The following PTPRN2 variants were observed in gnomAD, a reference collection of about 807,000 sequenced individuals.
The protein encoded by PTPRN2 is protein tyrosine phosphatase receptor type N2.
In PTPRN2, 74 loss-of-function variants were observed where a neutral mutation model predicts 118.8. The observed-to-expected ratio is 0.62, with a 90% confidence interval of 0.52 to 0.76. The LOEUF is 0.76. Among genes scored for constraint, PTPRN2 ranks in the 30% least tolerant of loss-of-function variants. PTPRN2 has a pLI of 0.00. For missense variants in PTPRN2, 1,481 were observed against 1,394.4 expected (o/e 1.06, Z -0.99); for synonymous variants, 641 against 608.0 (o/e 1.05, Z -0.80).
intron 12 of PTPRN2, 39 bp downstream of exon 12, chr7:157,898,634 G>A: frequency 6.5e-7 from 1 of 1,529,144 alleles, no homozygotes; most frequent in Non-Finnish European, 9.1e-7. Flanking sequence ...AGACAGCACT[G>A]CAGATCGCAG....
chr7:158,370,765 A>G (rs796476070), intron 2 of PTPRN2, among the ~76,000 whole-genome samples: 24 of 152,234 alleles, frequency 1.6e-4, no homozygotes, highest in African/African-American at 5.8e-4. Flanking sequence ...AAAAATTTTT[A>G]AAAATCAATC....
intron 8 of PTPRN2, among the ~76,000 whole-genome samples, chr7:158,135,880 G>T (rs4349931): frequency 6.6e-6 from 1 of 152,058 alleles, no homozygotes; most frequent in Non-Finnish European, 1.5e-5. Context: ...CCAAAACTGG[G>T]TTTCCCAGAA....
chr7:157,549,523 T>C (rs1798491211), intron 21 of PTPRN2, among the ~76,000 whole-genome samples: 1 of 152,196 alleles, frequency 6.6e-6, no homozygotes, highest in South Asian at 2.1e-4. Context: ...TTCCACATTT[T>C]GGGACTGGGT....
At chr7:158,217,705 G>T (rs1422951638) in intron 3 of PTPRN2, among the ~76,000 whole-genome samples, 4 of 152,160 alleles carry the variant, frequency 2.6e-5, no homozygotes, top group Non-Finnish European at 5.9e-5. Context: ...CCAAGGAAAT[G>T]ATTTGAGAGT....
intron 9 of PTPRN2, among the ~76,000 whole-genome samples, chr7:158,121,920 G>C (rs1817206589): frequency 6.6e-6 from 1 of 152,202 alleles, no homozygotes; most frequent in African/African-American, 2.4e-5. Context: ...ACAAGACAGG[G>C]CTGACTGTGC....
intron 14 of PTPRN2, among the ~76,000 whole-genome samples, chr7:157,626,719 T>C (rs117879402): frequency 0.018 from 2,691 of 152,334 alleles, 32 homozygotes; most frequent in Non-Finnish European, 0.029. Flanking sequence ...ACTCAGCCAA[T>C]ATCTGTGGAA....
chr7:157,863,186 G>A (rs1459306969), intron 12 of PTPRN2: 1 of 152,282 alleles, frequency 6.6e-6, no homozygotes. Flanking sequence ...GCCTTGAGAA[G>A]GTTCCGCTGT....
chr7:158,079,203 T>C (rs6945830), intron 11 of PTPRN2, among the ~76,000 whole-genome samples: 6,328 of 152,232 alleles, frequency 0.042, 438 homozygotes, highest in African/African-American at 0.14. Flanking sequence ...TCAAAATAAT[T>C]CTTTAAAAAT....
chr7:158,186,569 T>C, intron 5 of PTPRN2, among the ~76,000 whole-genome samples: 1 of 150,728 alleles, frequency 6.6e-6, no homozygotes, highest in Non-Finnish European at 1.5e-5. Context: ...GAAGCCCGCC[T>C]GGGCCACCTG....
chr7:158,432,202 G>A (rs775228540), intron 2 of PTPRN2, among the ~76,000 whole-genome samples: 4 of 152,168 alleles, frequency 2.6e-5, no homozygotes, highest in Non-Finnish European at 5.9e-5. Context: ...TCAGGGAGAC[G>A]TCACAGGTTT....
chr7:158,390,818 C>G (rs545942025), intron 2 of PTPRN2, among the ~76,000 whole-genome samples: 195 of 152,292 alleles, frequency 1.3e-3, no homozygotes, highest in Middle Eastern at 3.4e-3. Flanking sequence ...TCTCAAAATG[C>G]GAAGCTCAAG....
chr7:157,842,410 C>CTTTTTTT (rs11316558), intron 12 of PTPRN2, among the ~76,000 whole-genome samples: 3 of 93,236 alleles, frequency 3.2e-5, no homozygotes, highest in African/African-American at 7.7e-5. Context: ...ATTCAGGAGA[C>CTTTTTTT]TTTTTTTTTT....
At chr7:157,834,090 A>G (rs1253801123) in intron 12 of PTPRN2, among the ~76,000 whole-genome samples, 2 of 151,904 alleles carry the variant, frequency 1.3e-5, no homozygotes, top group African/African-American at 4.8e-5. Flanking sequence ...TGATCAATCC[A>G]TCAATTCCAC....
chr7:157,544,606 C>G (rs1199848410), intron 22 of PTPRN2, among the ~76,000 whole-genome samples: 3 of 152,178 alleles, frequency 2.0e-5, no homozygotes, highest in Non-Finnish European at 2.9e-5. Flanking sequence ...GTGGGACACA[C>G]TCATCACTGG....
At chr7:158,207,978 G>A (rs1369617645) in intron 3 of PTPRN2, among the ~76,000 whole-genome samples, 1 of 152,158 alleles carries the variant, frequency 6.6e-6, no homozygotes, top group African/African-American at 2.4e-5. Flanking sequence ...AAAATCTCTG[G>A]AGTTGAAAAA....
chr7:157,928,293 C>T lies in PTPRN2; in HGVS notation c.1724-29556G>A, dbSNP rs190231746. Among the ~76,000 whole-genome samples, 346 of 152,248 alleles carry T rather than the reference C, an allele frequency of 2.3e-3. 8 individuals carry two copies. Among genetic ancestry groups the T allele is most frequent in the Admixed American group, 0.019 (289 of 15,294 alleles). On this transcript the variant is annotated intron_variant, in intron 11 of 22. Transcript: ENST00000389418. The stretch of plus-strand genomic sequence containing the variant: ...CTGGCTTGGGTGGTCCTTAGTAGAG[C>T]GGGCGGCATCAGGCCTCTCTGCTCT...
At chr7:158,224,793 C>T (rs540310148) in intron 3 of PTPRN2, among the ~76,000 whole-genome samples, 7 of 152,218 alleles carry the variant, frequency 4.6e-5, no homozygotes, top group South Asian at 2.1e-4. Flanking sequence ...AAACAATGAG[C>T]GCAGAGTTGG....
At position 157,790,542 on chromosome 7, in the gene PTPRN2, G is replaced by A. The variant is rs1804422334; in HGVS notation, c.1789-107605C>T. Among the ~76,000 whole-genome samples, 7 of 152,256 alleles carry A rather than the reference G, an allele frequency of 4.6e-5. No homozygotes were observed. In the South Asian group the frequency reaches 1.5e-3, roughly 32 times the overall value. ...GACAACACAAGGGCCTGGAGTGTAT[G>A]ACGAAGGGGGCATTTCAAACCCGTG... On this transcript the variant is annotated intron_variant, in intron 12 of 22. Transcript: ENST00000389418.
chr7:158,260,216 A>G (rs1797307743), intron 3 of PTPRN2, among the ~76,000 whole-genome samples: 12 of 152,218 alleles, frequency 7.9e-5, no homozygotes, highest in Admixed American at 7.2e-4. Flanking sequence ...AACACGACAA[A>G]GCAAAGCCAA....
Sources: allele counts gnomAD v4.1 joint callset (sites outside exome capture counted in the v4.1 genomes callset), GRCh38; gene constraint gnomAD v4.1.1; transcripts MANE v1.5; gene names NCBI Gene and HGNC (gene_info 2026-07-23, HGNC 2026-07-21).